Variants in CLSTN2 observed in about 807,000 individuals in gnomAD.
CLSTN2 encodes the protein calsyntenin-2.
In CLSTN2, 48 loss-of-function variants were observed where a neutral mutation model predicts 101.2. The ratio of observed to expected loss-of-function variants is 0.47; its 90% CI spans 0.38 to 0.60. The LOEUF (loss-of-function observed/expected upper bound fraction) is 0.60, where lower values mean the gene tolerates loss of function less well. CLSTN2 is among the 20% of genes least tolerant of loss of function. The probability of loss-of-function intolerance (pLI) is 0.00; values close to 1 mark genes in which losing one functional copy is unlikely to be tolerated. For synonymous variants in CLSTN2, 481 were observed against 463.6 expected (o/e 1.04, Z -0.48); for missense variants, 1,160 against 1,238.2 (o/e 0.94, Z 0.95).
At chr3:140,205,618 G>GCACCCCCCC (rs1553721844) in intron 2 of CLSTN2, among the ~76,000 whole-genome samples, 1 of 67,172 alleles carries the variant, frequency 1.5e-5, no homozygotes, top group African/African-American at 4.9e-5. Flanking sequence ...GACCTGACCC[G>GCACCCCCCC]CCCCCCACCC....
At chr3:139,948,781 T>C (rs528165428) in intron 1 of CLSTN2, among the ~76,000 whole-genome samples, 1 of 152,316 alleles carries the variant, frequency 6.6e-6, no homozygotes, top group African/African-American at 2.4e-5. Flanking sequence ...TGCTCAAAAT[T>C]CCTCATGTGA....
At chr3:140,192,573 T>G (rs1247552476) in intron 2 of CLSTN2, among the ~76,000 whole-genome samples, 3 of 151,984 alleles carry the variant, frequency 2.0e-5, no homozygotes, top group Non-Finnish European at 2.9e-5. Flanking sequence ...CAGTAATTTT[T>G]TTTTTACTCT....
At chr3:140,427,485 G>T (rs1193652679) in intron 5 of CLSTN2, among the ~76,000 whole-genome samples, 1 of 151,942 alleles carries the variant, frequency 6.6e-6, no homozygotes, top group Non-Finnish European at 1.5e-5. Context: ...TCAATGCGAG[G>T]TGCCAGAGAT....
At chr3:140,186,139 T>C (rs1250889661) in intron 2 of CLSTN2, among the ~76,000 whole-genome samples, 3 of 152,218 alleles carry the variant, frequency 2.0e-5, no homozygotes, top group East Asian at 3.9e-4. Context: ...TTTAAAACAT[T>C]GAGGAAATCG....
At chr3:140,404,903 A>G (rs907366666) in intron 4 of CLSTN2, 137 bp downstream of exon 4, 1 of 730,922 alleles carries the variant, frequency 1.4e-6, no homozygotes, top group African/African-American at 1.8e-5. Context: ...TCCATAACCC[A>G]GAGCTCAGTC....
Position 140,526,599 on chromosome 3 carries a change from A to C in CLSTN2, c.1345-5725A>C, listed in dbSNP as rs199763499. Among the ~76,000 whole-genome samples, 720 of 140,284 alleles carry C rather than the reference A, an allele frequency of 5.1e-3. 8 individuals are homozygous for C. The highest frequency in any genetic ancestry group is 0.034 in the East Asian group (176 of 5,144). The allele number at this position is 140,284 out of a possible 152,430, so 92.0% of individuals were successfully genotyped here. A position where few individuals can be genotyped will look rare whatever the true frequency, so the allele number is the denominator to read the frequency against. On this transcript the variant is annotated intron_variant, in intron 8 of 16. Transcript: ENST00000458420. ...TATATGAAACAAACAAACAAACAAA[A>C]AAAAAAAACAACCACAGCAATACTG... is the stretch of plus-strand genomic sequence containing the variant.
rs114256409 is a variant in CLSTN2, at chr3:140,224,283, C to T, written c.232+48210C>T. Among the ~76,000 whole-genome samples the T allele has an allele frequency of 9.2e-3, 1,397 of 152,240 alleles. 28 individuals are homozygous for T. Among genetic ancestry groups the T allele is most frequent in the African/African-American group, 0.032 (1,328 of 41,540 alleles). ...CTTTCTCATCTACAGAAGACAGTAACGATAGAACTCAGTTCTTGGGATCAT... is the reference window on the plus strand; with the variant it reads ...CTTTCTCATCTACAGAAGACAGTAATGATAGAACTCAGTTCTTGGGATCAT... On this transcript the variant is annotated intron_variant, in intron 2 of 16. Transcript: ENST00000458420.
chr3:140,489,646 A>G (rs1168756637), intron 8 of CLSTN2, among the ~76,000 whole-genome samples: 1 of 152,008 alleles, frequency 6.6e-6, no homozygotes, highest in East Asian at 1.9e-4. Context: ...CATTCTAAAG[A>G]TACTGGGATG....
At chr3:140,007,841 C>T (rs1350877738) in intron 1 of CLSTN2, among the ~76,000 whole-genome samples, 1 of 152,172 alleles carries the variant, frequency 6.6e-6, no homozygotes, top group East Asian at 1.9e-4. Context: ...CTGACCTTGT[C>T]CGGTGGTGGA....
intron 1 of CLSTN2, among the ~76,000 whole-genome samples, chr3:140,132,069 A>G (rs1427745128): frequency 6.6e-6 from 1 of 152,198 alleles, no homozygotes; most frequent in Non-Finnish European, 1.5e-5. Context: ...TCAGTCTGGC[A>G]ATTACATTAA....
chr3:140,532,790 G>C (rs1407092320), intron 9 of CLSTN2, among the ~76,000 whole-genome samples: 2 of 152,132 alleles, frequency 1.3e-5, no homozygotes, highest in African/African-American at 4.8e-5. Context: ...GGGCAATGCA[G>C]AGAAAAAAAC....
rs924333364 is a variant in CLSTN2 at position 140,142,253 on chromosome 3, T to C, written c.110-33698T>C. Among the ~76,000 whole-genome samples, 6 of 152,188 alleles carry C rather than the reference T, an allele frequency of 3.9e-5. No homozygotes were observed. The South Asian group carries it at 8.3e-4, about 21-fold the overall frequency. ...GAGGGCAGGGCTCGTGGTTTCATTG[T>C]TAATTTCATCAGGACTAATGGAGGT... On this transcript the variant is annotated intron_variant, in intron 1 of 16. Transcript: ENST00000458420.
chr3:140,380,516 G>A (rs1163234539), intron 2 of CLSTN2, among the ~76,000 whole-genome samples: 1 of 152,078 alleles, frequency 6.6e-6, no homozygotes, highest in Non-Finnish European at 1.5e-5. Context: ...TCCAAGTTTT[G>A]GAAACATTGA....
chr3:140,191,660 T>C (rs1028957644), intron 2 of CLSTN2, among the ~76,000 whole-genome samples: 2 of 151,982 alleles, frequency 1.3e-5, no homozygotes, highest in Admixed American at 1.3e-4. Flanking sequence ...TTTGTCTAAG[T>C]TGACAAATCT....
At chr3:140,448,483 C>G (rs773434646) in intron 5 of CLSTN2, 36 bp from the exon 6 acceptor site, 1 of 1,564,180 alleles carries the variant, frequency 6.4e-7, no homozygotes, top group Admixed American at 1.7e-5. Context: ...ACTGACTGCA[C>G]CTGATTCACT....
intron 2 of CLSTN2, among the ~76,000 whole-genome samples, chr3:140,263,072 G>A (rs1258385364): frequency 6.7e-6 from 1 of 150,208 alleles, no homozygotes; most frequent in African/African-American, 2.5e-5. Flanking sequence ...CCAAGAGCAA[G>A]CAAACAAAAA....
chr3:140,229,949 T>C (rs1480709949), intron 2 of CLSTN2, among the ~76,000 whole-genome samples: 2 of 152,174 alleles, frequency 1.3e-5, no homozygotes, highest in African/African-American at 4.8e-5. Flanking sequence ...CCCAGTTTAT[T>C]TTTTTGGTTT....
chr3:140,193,865 T>C (rs2010607702), intron 2 of CLSTN2, among the ~76,000 whole-genome samples: 1 of 152,118 alleles, frequency 6.6e-6, no homozygotes, highest in South Asian at 2.1e-4. Context: ...TTATTCCTAT[T>C]TTTCTCTTTT....
At chr3:140,171,631 T>TATCACAAAGTATGAATTTCTGGTTTTCC (rs1559797086) in intron 1 of CLSTN2, among the ~76,000 whole-genome samples, 3 of 123,388 alleles carry the variant, frequency 2.4e-5, no homozygotes, top group African/African-American at 9.4e-5. Context: ...ATAATATGTA[T>TATCACAAAGTATGAATTTCTGGTTTTCC]TATATATTAT....
Sources: gnomAD v4.1 joint callset for allele counts (sites outside exome capture counted in the v4.1 genomes callset) on GRCh38, gnomAD v4.1.1 for gene constraint, MANE v1.5 for transcripts, NCBI Gene and HGNC (gene_info 2026-07-23, HGNC 2026-07-21) for gene names.